The following CSPP1 variants were observed in gnomAD, a reference collection of about 807,000 sequenced individuals.
The protein encoded by CSPP1 is centrosome and spindle pole associated protein 1.
Under a neutral mutation model 164.4 loss-of-function variants are expected in CSPP1, and 126 were observed. The observed-to-expected ratio is 0.77, with a 90% CI of 0.66 to 0.89. CSPP1 has a LOEUF of 0.89. Among genes scored for constraint, CSPP1 ranks in the 40% least tolerant of loss-of-function variants. The pLI, the probability that CSPP1 is intolerant of heterozygous loss-of-function variation, is 0.00. For missense variants in CSPP1, 1,395 were observed against 1,449.8 expected (o/e 0.96, Z 0.61); for synonymous variants, 472 against 476.7 (o/e 0.99, Z 0.13).
intron 3 of CSPP1, among the ~76,000 whole-genome samples, chr8:67,080,194 A>G (rs557198222): frequency 1.3e-5 from 2 of 152,358 alleles, no homozygotes; most frequent in South Asian, 4.1e-4. Context: ...ATTATAAAAA[A>G]CAGGTCTAAT....
Position 67,164,608 on chromosome 8 carries a change from A to C in CSPP1, c.2828+100A>C, listed in dbSNP as rs886199875. ...TTTGGGAACAGGACTAATTCATCTTACTTAAAATCTCCTTACTTTCCTTTT... is the reference window on the plus strand; with the variant it reads ...TTTGGGAACAGGACTAATTCATCTTCCTTAAAATCTCCTTACTTTCCTTTT... On this transcript the variant is annotated intron_variant, in intron 24 of 30. Transcript: ENST00000678616. The C allele has an allele frequency of 2.8e-5, 16 of 580,082 alleles. No individual in the cohort carries two copies. In the African/African-American group the frequency reaches 2.8e-4, roughly 10 times the overall value. 35.9% of individuals were successfully genotyped at this position (580,082 alleles called of 1,614,324 possible). A position where few individuals can be genotyped will look rare whatever the true frequency, so the allele number is the denominator to read the frequency against.
intron 24 of CSPP1, among the ~76,000 whole-genome samples, chr8:67,167,202 AT>A (rs1356468365): frequency 6.6e-6 from 1 of 152,202 alleles, no homozygotes; most frequent in Admixed American, 6.5e-5. Context: ...CAAAACCGCA[AT>A]CATCATCATG....
intron 22 of CSPP1, among the ~76,000 whole-genome samples, chr8:67,162,459 T>C (rs1037159324): frequency 1.3e-5 from 2 of 152,214 alleles, no homozygotes; most frequent in African/African-American, 4.8e-5. Flanking sequence ...TTCCATAGGC[T>C]GGTAGATTCC....
intron 21 of CSPP1, among the ~76,000 whole-genome samples, chr8:67,159,916 CTTT>C (rs770034777): frequency 0.057 from 2,921 of 51,628 alleles, 152 homozygotes; most frequent in Non-Finnish European, 0.067. Context: ...TTCTTTCTTT[CTTT>C]CTTTCCTTTC....
At chr8:67,141,875 T>C (rs1823585588) in intron 17 of CSPP1, among the ~76,000 whole-genome samples, 1 of 152,238 alleles carries the variant, frequency 6.6e-6, no homozygotes, top group Admixed American at 6.5e-5. Flanking sequence ...TATAGAGCAG[T>C]GTGATGACTA....
At chr8:67,105,023 AT>A (rs1292683720) in intron 8 of CSPP1, among the ~76,000 whole-genome samples, 884 of 23,296 alleles carry the variant, frequency 0.038, 15 homozygotes, top group African/African-American at 0.11. Context: ...ATGAAAAAGG[AT>A]TTTTTTTTTT....
At chr8:67,093,965 GATCA>G (rs1365439770) in intron 6 of CSPP1, among the ~76,000 whole-genome samples, 2 of 150,298 alleles carry the variant, frequency 1.3e-5, no homozygotes, top group Non-Finnish European at 3.0e-5. Context: ...AAAATTTAAG[GATCA>G]ATTAGCCGGA....
chr8:67,190,703 T>A lies in CSPP1; in HGVS notation c.3274T>A (p.Ser1092Thr), dbSNP rs1835978170. 6.2e-7 allele frequency: 1 copy of A among 1,614,008 alleles called. No individual in the cohort carries two copies. The highest frequency in any genetic ancestry group is 1.3e-5 in the African/African-American group (1 of 74,902). Reference sequence around the variant, plus strand: ...TGAAGATGACGTCCTCCCTCCACCATCACAGTTGCCCTCTGCACGGGAGCG... The same window carrying A: ...TGAAGATGACGTCCTCCCTCCACCAACACAGTTGCCCTCTGCACGGGAGCG... ...AIEDDVLPPP[S>T]QLPSARERRR... Residue 1092 changes from serine (S) to threonine (T), a missense_variant, in exon 29 of 31, where the codon TCA (serine) becomes ACA (threonine). Ser to Thr is a moderately conservative substitution (Grantham distance 58). Transcript: ENST00000678616.
At chr8:67,114,094 C>A (rs2129550452) in intron 11 of CSPP1, 2 of 357,168 alleles carry the variant, frequency 5.6e-6, no homozygotes, top group South Asian at 7.2e-5. Context: ...TAAATTAGTT[C>A]TCTCTGCTTT....
chr8:67,126,528 C>G lies in CSPP1; in HGVS notation c.1698-5423C>G, dbSNP rs540425060. 3.9e-5 allele frequency among the ~76,000 whole-genome samples: 6 copies of G among 152,292 alleles called. No homozygotes were observed. In the South Asian group the frequency reaches 6.2e-4, roughly 16 times the overall value. On this transcript the variant is annotated intron_variant, in intron 15 of 30. Transcript: ENST00000678616. ...AGCTTTGACCCAATAAACCTCCCAG[C>G]CTATGCCAACTGGTTCTGTGTGTGT...
intron 16 of CSPP1, chr8:67,133,479 A>C (rs776916101): frequency 1.3e-5 from 2 of 152,226 alleles, no homozygotes; most frequent in Non-Finnish European, 2.9e-5. Context: ...TTAAGGTGCA[A>C]CATGTCTTAA....
At chr8:67,100,530 G>T (rs1479792897) in intron 7 of CSPP1, among the ~76,000 whole-genome samples, 1 of 151,300 alleles carries the variant, frequency 6.6e-6, no homozygotes, top group Non-Finnish European at 1.5e-5. Flanking sequence ...TTTAATTCTG[G>T]GACCCCAAGT....
intron 15 of CSPP1, among the ~76,000 whole-genome samples, chr8:67,128,317 T>A (rs1820507539): frequency 6.6e-6 from 1 of 152,042 alleles, no homozygotes; most frequent in African/African-American, 2.4e-5. Context: ...GGCGGGTGAA[T>A]CACCTGAGGT....
intron 9 of CSPP1, 43 bp downstream of exon 9, chr8:67,106,018 C>CTTAAAAAAGGA: frequency 1.0e-6 from 1 of 952,502 alleles, no homozygotes; most frequent in South Asian, 1.4e-5. Flanking sequence ...TATAGAGTGT[C>CTTAAAAAAGGA]TTATAATCCT....
intron 3 of CSPP1, among the ~76,000 whole-genome samples, chr8:67,083,074 A>G (rs2129542886): frequency 1.3e-5 from 2 of 152,328 alleles, no homozygotes; most frequent in Middle Eastern, 3.4e-3. Context: ...AAGATGACAA[A>G]ATAAGAATTA....
chr8:67,108,401 C>CAA (rs536563215), intron 9 of CSPP1, among the ~76,000 whole-genome samples: 3 of 116,012 alleles, frequency 2.6e-5, no homozygotes, highest in African/African-American at 3.2e-5. Flanking sequence ...GACCCTGTGT[C>CAA]AAAAAAAAAA....
At position 67,159,105 on chromosome 8, in the gene CSPP1, G is replaced by A. The variant is rs953826568; in HGVS notation, c.2506G>A (p.Glu836Lys). The A allele has an allele frequency of 6.2e-7, 1 of 1,602,118 alleles. No individual in the cohort carries two copies. Among genetic ancestry groups the A allele is most frequent in the East Asian group, 2.2e-5 (1 of 44,740 alleles). Residue 836 changes from glutamate to lysine, a missense_variant, in exon 21 of 31, where the codon GAA becomes AAA. By Grantham distance (56) the Glu-to-Lys change is moderately conservative. Coordinates refer to ENST00000678616, the MANE Select transcript of CSPP1 (RefSeq NM_001382391.1). ...KYNLQLQHYCERDNLIGEETK... is the reference protein window; with the variant it reads ...KYNLQLQHYCKRDNLIGEETK... ...TAACCTGCAACTTCAGCACTACTGT[G>A]AAAGAGACAATTTGATTGGGGAAGA...
At chr8:67,117,236 G>T (rs1015098001) in intron 13 of CSPP1, among the ~76,000 whole-genome samples, 4 of 152,090 alleles carry the variant, frequency 2.6e-5, no homozygotes, top group Admixed American at 6.6e-5. Flanking sequence ...CATTTTTGTT[G>T]ATGTATTTTT....
At chr8:67,165,676 T>A (rs1267408177) in intron 24 of CSPP1, among the ~76,000 whole-genome samples, 1 of 152,224 alleles carries the variant, frequency 6.6e-6, no homozygotes, top group African/African-American at 2.4e-5. Context: ...TAAGGGTTTC[T>A]GGAAAGAAGA....
Sources: gnomAD v4.1 joint callset for allele counts (sites outside exome capture counted in the v4.1 genomes callset) on GRCh38, gnomAD v4.1.1 for gene constraint, MANE v1.5 for transcripts, NCBI Gene and HGNC (gene_info 2026-07-23, HGNC 2026-07-21) for gene names.